The following GPC5 variants were observed in gnomAD, a reference collection of about 807,000 sequenced individuals.
GPC5 encodes glypican-5.
In GPC5, 47 loss-of-function variants were observed where a neutral mutation model predicts 53.9. The observed-to-expected ratio is 0.87, with a 90% CI of 0.69 to 1.11. GPC5 has a LOEUF of 1.11. Ranked by LOEUF, GPC5 falls within the 50% of genes most tolerant of loss-of-function variation. GPC5 has a pLI of 0.00. For synonymous variants in GPC5, 286 were observed against 263.3 expected, an observed-to-expected ratio of 1.09 and a Z score of -0.84; for missense variants, 748 against 713.1, an observed-to-expected ratio of 1.05 and a Z score of -0.56.
At chr13:91,908,189 C>A in intron 6 of GPC5, 132 bp downstream of exon 6, 1 of 688,550 alleles carries the variant, frequency 1.5e-6, no homozygotes, top group Non-Finnish European at 2.2e-6. Context: ...CTTTTTGTAT[C>A]AGGACATTTG....
At chr13:92,002,391 C>A (rs1177815787) in intron 6 of GPC5, among the ~76,000 whole-genome samples, 1 of 152,136 alleles carries the variant, frequency 6.6e-6, no homozygotes. Context: ...AAAATATTAT[C>A]TTTTTACACC....
Position 92,460,496 on chromosome 13 carries a change from A to C in GPC5, c.1561+315507A>C, listed in dbSNP as rs946440681. Among the ~76,000 whole-genome samples the C allele has an allele frequency of 7.9e-5, 12 of 152,262 alleles. No homozygotes were observed. The East Asian group carries it at 2.1e-3, about 27-fold the overall frequency. ...CTAAGCATTTTGCCATGGGTCTAAT[A>C]AATTAAAAACAATTAGTATATTTTA... On this transcript the variant is annotated intron_variant, in intron 7 of 7. Coordinates refer to ENST00000377067, the MANE Select transcript of GPC5 (RefSeq NM_004466.6).
At chr13:91,636,874 C>T (rs1020805972) in intron 2 of GPC5, among the ~76,000 whole-genome samples, 1 of 152,132 alleles carries the variant, frequency 6.6e-6, no homozygotes, top group Admixed American at 6.5e-5. Flanking sequence ...AGGAGCATTG[C>T]TCGAGTCCAG....
At chr13:92,648,491 T>A (rs1437239025) in intron 7 of GPC5, among the ~76,000 whole-genome samples, 3 of 152,108 alleles carry the variant, frequency 2.0e-5, no homozygotes, top group Non-Finnish European at 4.4e-5. Flanking sequence ...ATTTAATTAT[T>A]TGGGTAGCCA....
intron 6 of GPC5, among the ~76,000 whole-genome samples, chr13:92,131,364 CTA>C (rs1424675807): frequency 1.3e-5 from 2 of 151,960 alleles, no homozygotes; most frequent in Admixed American, 6.6e-5. Context: ...GTACTTCAGT[CTA>C]TGTCAGTCTA....
chr13:92,233,004 G>A (rs773700012), intron 7 of GPC5, among the ~76,000 whole-genome samples: 53 of 152,318 alleles, frequency 3.5e-4, no homozygotes, highest in Non-Finnish European at 6.2e-4. Flanking sequence ...TCTATCATAT[G>A]TGAATGTCGG....
intron 1 of GPC5, among the ~76,000 whole-genome samples, chr13:91,407,731 A>G (rs190727182): frequency 6.6e-4 from 101 of 152,302 alleles, no homozygotes; most frequent in Non-Finnish European, 1.4e-3. Context: ...TTGTTAAAGG[A>G]CACTGACTTG....
intron 5 of GPC5, among the ~76,000 whole-genome samples, chr13:91,817,500 C>A (rs1379241254): frequency 1.3e-5 from 2 of 151,986 alleles, no homozygotes; most frequent in African/African-American, 4.8e-5. Context: ...ACAGTCAGCC[C>A]GTTTAGTGTA....
At chr13:92,066,320 G>A (rs536039529) in intron 6 of GPC5, among the ~76,000 whole-genome samples, 3 of 151,814 alleles carry the variant, frequency 2.0e-5, no homozygotes, top group Non-Finnish European at 4.4e-5. Context: ...AATTTTAGAT[G>A]ATGGAATGGA....
At chr13:92,222,316 T>C (rs2139089363) in intron 7 of GPC5, among the ~76,000 whole-genome samples, 1 of 152,276 alleles carries the variant, frequency 6.6e-6, no homozygotes, top group South Asian at 2.1e-4. Context: ...TAAAATTGTT[T>C]TTACAGTTGA....
intron 5 of GPC5, among the ~76,000 whole-genome samples, chr13:91,893,636 T>C (rs956466298): frequency 1.3e-4 from 20 of 152,274 alleles, no homozygotes; most frequent in African/African-American, 4.8e-4. Context: ...TTCCAAATTA[T>C]GTATCTGACA....
chr13:92,616,251 C>T (rs546796149), intron 7 of GPC5, among the ~76,000 whole-genome samples: 18 of 152,274 alleles, frequency 1.2e-4, no homozygotes, highest in African/African-American at 4.3e-4. Flanking sequence ...ACCACCAGGG[C>T]ATTTTAATAT....
intron 6 of GPC5, among the ~76,000 whole-genome samples, chr13:92,058,636 C>A (rs57609994): frequency 0.11 from 17,142 of 152,092 alleles, 1,230 homozygotes; most frequent in Admixed American, 0.18. Context: ...ACCACCTCCT[C>A]GGTTCAAGCA....
chr13:91,602,663 A>T (rs550482188), intron 2 of GPC5, among the ~76,000 whole-genome samples: 1 of 152,246 alleles, frequency 6.6e-6, no homozygotes, highest in South Asian at 2.1e-4. Context: ...GTGATTGATG[A>T]TATTGTTTTT....
At chr13:92,856,970 A>G (rs993197787) in intron 7 of GPC5, among the ~76,000 whole-genome samples, 34 of 148,038 alleles carry the variant, frequency 2.3e-4, no homozygotes, top group South Asian at 9.4e-4. Flanking sequence ...AGAATTAGGG[A>G]AAAAAAATCA....
At chr13:91,903,032 T>A (rs1191821093) in intron 5 of GPC5, among the ~76,000 whole-genome samples, 6 of 16,776 alleles carry the variant, frequency 3.6e-4, no homozygotes, top group Non-Finnish European at 6.1e-4. Flanking sequence ...AGCTCAGTAC[T>A]TTTTTTTTTT....
At chr13:91,459,732 A>G (rs1881808728) in intron 2 of GPC5, among the ~76,000 whole-genome samples, 1 of 152,142 alleles carries the variant, frequency 6.6e-6, no homozygotes, top group Non-Finnish European at 1.5e-5. Flanking sequence ...GTAGAAGAGT[A>G]ATTAATGGTC....
At chr13:91,984,357 A>G (rs1037624676) in intron 6 of GPC5, among the ~76,000 whole-genome samples, 2 of 152,220 alleles carry the variant, frequency 1.3e-5, no homozygotes, top group Non-Finnish European at 2.9e-5. Flanking sequence ...ATCTGATGGC[A>G]TGCTATATCT....
intron 7 of GPC5, among the ~76,000 whole-genome samples, chr13:92,595,080 G>T (rs1883826374): frequency 6.6e-6 from 1 of 152,034 alleles, no homozygotes; most frequent in South Asian, 2.1e-4. Flanking sequence ...TCATTACCTA[G>T]ATTCAAGAAG....
Sources: allele counts gnomAD v4.1 joint callset (sites outside exome capture counted in the v4.1 genomes callset), GRCh38; gene constraint gnomAD v4.1.1; transcripts MANE v1.5; gene names NCBI Gene and HGNC (gene_info 2026-07-23, HGNC 2026-07-21).